The following NYAP2 variants were observed in gnomAD, a reference collection of about 807,000 sequenced individuals.
The protein encoded by NYAP2 is neuronal tyrosine-phosphorylated phosphoinositide-3-kinase adaptor 2.
A neutral mutation model predicts 50.4 loss-of-function variants in NYAP2; 23 were observed. The observed-to-expected ratio is 0.46, with a 90% CI of 0.33 to 0.65. The LOEUF (loss-of-function observed/expected upper bound fraction) is 0.65, where lower values mean the gene tolerates loss of function less well. Ranked by LOEUF, NYAP2 falls within the 30% of genes least tolerant of loss-of-function variation. The pLI is 0.02. For synonymous variants in NYAP2, 394 were observed against 365.2 expected, an observed-to-expected ratio of 1.08 and a Z score of -0.90; for missense variants, 885 against 861.0, an observed-to-expected ratio of 1.03 and a Z score of -0.35.
intron 3 of NYAP2, among the ~76,000 whole-genome samples, chr2:225,429,569 T>A (rs922603339): frequency 6.6e-6 from 1 of 152,184 alleles, no homozygotes; most frequent in Non-Finnish European, 1.5e-5. Flanking sequence ...AAAATGAAAC[T>A]TTTTTGCATA....
chr2:225,627,238 G>C, intron 6 of NYAP2, 112 bp downstream of exon 6: 1 of 813,248 alleles, frequency 1.2e-6, no homozygotes, highest in Admixed American at 2.1e-5. Context: ...TGCACACAGA[G>C]AGGCACCACA....
chr2:225,586,902 TA>T, intron 5 of NYAP2, among the ~76,000 whole-genome samples: 1 of 152,320 alleles, frequency 6.6e-6, no homozygotes, highest in South Asian at 2.1e-4. Flanking sequence ...GGATGATTTA[TA>T]AAGAAAAGTT....
intron 3 of NYAP2, among the ~76,000 whole-genome samples, chr2:225,489,463 G>T (rs1429344783): frequency 6.6e-6 from 1 of 151,966 alleles, no homozygotes; most frequent in Non-Finnish European, 1.5e-5. Context: ...CTCCCAAATG[G>T]TTGAGATTAC....
intron 3 of NYAP2, among the ~76,000 whole-genome samples, chr2:225,417,136 A>G (rs1182163150): frequency 6.6e-6 from 1 of 152,180 alleles, no homozygotes; most frequent in Non-Finnish European, 1.5e-5. Context: ...CGTAAGAGAA[A>G]GAAATTATTA....
chr2:225,578,163 C>A (rs927322740), intron 4 of NYAP2, among the ~76,000 whole-genome samples: 3 of 152,022 alleles, frequency 2.0e-5, no homozygotes, highest in African/African-American at 7.2e-5. Context: ...GAACTCCTGA[C>A]CTCAAGTAAT....
the NYAP2 span, among the ~76,000 whole-genome samples, chr2:225,689,840 T>G: frequency 6.6e-6 from 1 of 152,082 alleles, no homozygotes; most frequent in African/African-American, 2.4e-5. Flanking sequence ...TCAAATAATA[T>G]CAAAGTCTGA....
chr2:225,515,858 GC>G (rs1175291942), intron 4 of NYAP2, among the ~76,000 whole-genome samples: 1 of 152,110 alleles, frequency 6.6e-6, no homozygotes, highest in African/African-American at 2.4e-5. Flanking sequence ...AAGATGGGGG[GC>G]CTGAATGCAG....
intron 3 of NYAP2, among the ~76,000 whole-genome samples, chr2:225,496,384 G>C (rs991749468): frequency 2.0e-5 from 3 of 152,126 alleles, no homozygotes; most frequent in African/African-American, 7.2e-5. Flanking sequence ...TTAACACTGT[G>C]TCTCATGCAT....
intron 5 of NYAP2, among the ~76,000 whole-genome samples, chr2:225,592,362 C>G (rs1370286096): frequency 1.3e-5 from 2 of 152,078 alleles, no homozygotes; most frequent in African/African-American, 2.4e-5. Flanking sequence ...CAATGAGCAC[C>G]CTAGCAGCAC....
intron 5 of NYAP2, among the ~76,000 whole-genome samples, chr2:225,607,248 G>A (rs1313002075): frequency 6.6e-6 from 1 of 152,004 alleles, no homozygotes; most frequent in African/African-American, 2.4e-5. Context: ...GGTACACAGA[G>A]GCAGAGAAAG....
chr2:225,404,332 T>C (rs1694905797), intron 2 of NYAP2, among the ~76,000 whole-genome samples: 1 of 151,940 alleles, frequency 6.6e-6, no homozygotes, highest in Non-Finnish European at 1.5e-5. Context: ...AACGAGTTGT[T>C]TTTTAAATGT....
intron 3 of NYAP2, among the ~76,000 whole-genome samples, chr2:225,418,768 T>A (rs1382945486): frequency 6.6e-6 from 1 of 152,222 alleles, no homozygotes; most frequent in East Asian, 1.9e-4. Flanking sequence ...TGTTAACACT[T>A]TTATAAAACT....
chr2:225,599,157 C>A (rs114364570), intron 5 of NYAP2, among the ~76,000 whole-genome samples: 4 of 152,018 alleles, frequency 2.6e-5, no homozygotes, highest in Non-Finnish European at 5.9e-5. Flanking sequence ...AAGGCATACC[C>A]GAGTTCCCGA....
intron 3 of NYAP2, among the ~76,000 whole-genome samples, chr2:225,419,126 C>T (rs1695173081): frequency 6.6e-6 from 1 of 152,184 alleles, no homozygotes; most frequent in African/African-American, 2.4e-5. Context: ...GATACTGATT[C>T]TAAGAGCTAT....
intron 3 of NYAP2, among the ~76,000 whole-genome samples, chr2:225,512,803 T>C (rs1163048893): frequency 6.6e-5 from 5 of 75,244 alleles, no homozygotes; most frequent in Non-Finnish European, 1.3e-4. Flanking sequence ...TCCCTCCCTC[T>C]CTTTCTTTTC....
At chr2:225,548,886 A>ATTTTTTT (rs11346817) in intron 4 of NYAP2, among the ~76,000 whole-genome samples, 1 of 146,608 alleles carries the variant, frequency 6.8e-6, no homozygotes, top group Non-Finnish European at 1.5e-5. Flanking sequence ...GAATGCAGCA[A>ATTTTTTT]TTTTTTTTTT....
At chr2:225,542,124 G>T (rs1017274627) in intron 4 of NYAP2, among the ~76,000 whole-genome samples, 1 of 152,032 alleles carries the variant, frequency 6.6e-6, no homozygotes, top group African/African-American at 2.4e-5. Context: ...TGTTCATTTT[G>T]TATCCTGCAA....
chr2:225,680,978 G>A, the NYAP2 span, among the ~76,000 whole-genome samples: 1 of 152,168 alleles, frequency 6.6e-6, no homozygotes, highest in South Asian at 2.1e-4. Flanking sequence ...TAGTCCAATA[G>A]CAATATATTT....
chr2:225,674,685 G>A, the NYAP2 span, among the ~76,000 whole-genome samples: 20 of 152,116 alleles, frequency 1.3e-4, no homozygotes, highest in Non-Finnish European at 4.4e-5. Context: ...GAAGCCCCTC[G>A]ATATTTGTCA....
Sources: gnomAD v4.1 joint callset for allele counts (sites outside exome capture counted in the v4.1 genomes callset) on GRCh38, gnomAD v4.1.1 for gene constraint, MANE v1.5 for transcripts, NCBI Gene and HGNC (gene_info 2026-07-23, HGNC 2026-07-21) for gene names.